Variants in GNA13 observed in about 807,000 individuals in gnomAD.
GNA13 encodes the protein guanine nucleotide-binding protein subunit alpha-13.
In GNA13, 4 loss-of-function variants were observed where a neutral mutation model predicts 33.5. That is an observed-to-expected ratio of 0.12 (90% CI 0.06 to 0.27). The LOEUF (loss-of-function observed/expected upper bound fraction) is 0.27, where lower values mean the gene tolerates loss of function less well. Among genes scored for constraint, GNA13 ranks in the 10% least tolerant of loss-of-function variants. The pLI is 1.00. For missense variants in GNA13, 319 were observed against 487.2 expected (o/e 0.65, Z 3.25); for synonymous variants, 176 against 183.8 (o/e 0.96, Z 0.34).
chr17:65,019,587 T>C lies in GNA13; in HGVS notation c.511-1284A>G, dbSNP rs1906510725. 1.3e-5 allele frequency among the ~76,000 whole-genome samples: 2 copies of C among 152,198 alleles called. 1 individual carries two copies. The highest frequency in any genetic ancestry group is 4.1e-4 in the South Asian group (2 of 4,830). ...CAGACACAAAAAGACAAACATTGCA[T>C]GCTATCACTTATTGGTAGGAGCTAA... On this transcript the variant is annotated intron_variant, in intron 2 of 3. Transcript: ENST00000439174.
At chr17:65,037,926 C>T (rs1907317281) in intron 2 of GNA13, among the ~76,000 whole-genome samples, 1 of 151,796 alleles carries the variant, frequency 6.6e-6, no homozygotes, top group African/African-American at 2.4e-5. Context: ...ATACAAACAC[C>T]TCCTCAATTT....
Position 65,053,498 on chromosome 17 carries a change from T to G in GNA13, c.510+4A>C. The G allele has an allele frequency of 6.5e-7, 1 of 1,548,212 alleles. No homozygotes were observed. The highest frequency in any genetic ancestry group is 8.9e-7 in the Non-Finnish European group (1 of 1,120,008). On this transcript the variant is annotated splice_donor_region_variant and intron_variant, in intron 2 of 3. Transcript: ENST00000439174. The stretch of plus-strand genomic sequence containing the variant: ...CACACGTTTTAAAAGAGCAAATCTC[T>G]TACCAGTTGAAATTCTCGACGCCGG...
intron 2 of GNA13, among the ~76,000 whole-genome samples, chr17:65,032,085 A>G (rs1017375650): frequency 6.6e-6 from 1 of 152,192 alleles, no homozygotes; most frequent in African/African-American, 2.4e-5. Context: ...CAGTAGGCTT[A>G]TAATGAAGTC....
At chr17:65,031,921 A>AGAGT (rs770161529) in intron 2 of GNA13, among the ~76,000 whole-genome samples, 2,898 of 88,184 alleles carry the variant, frequency 0.033, 37 homozygotes, top group Non-Finnish European at 0.049. Flanking sequence ...AGAGAGAGAG[A>AGAGT]GTGTGTGTGT....
intron 1 of GNA13, among the ~76,000 whole-genome samples, chr17:65,053,949 T>C (rs1049338418): frequency 6.6e-6 from 1 of 152,194 alleles, no homozygotes; most frequent in Admixed American, 6.5e-5. Flanking sequence ...CAAATACTAT[T>C]AGCACAATTC....
At chr17:65,035,661 C>T (rs1907218255) in intron 2 of GNA13, among the ~76,000 whole-genome samples, 1 of 152,164 alleles carries the variant, frequency 6.6e-6, no homozygotes, top group Non-Finnish European at 1.5e-5. Flanking sequence ...CTTAAGAATT[C>T]TGAGCCTTGA....
chr17:65,031,493 T>C (rs1469297422), intron 2 of GNA13, among the ~76,000 whole-genome samples: 1 of 152,178 alleles, frequency 6.6e-6, no homozygotes, highest in African/African-American at 2.4e-5. Context: ...GTTTGGAACA[T>C]TTCAAAGAGG....
chr17:65,056,252 C>CCCGCCG, intron 1 of GNA13, 59 bp downstream of exon 1: 3 of 1,072,610 alleles, frequency 2.8e-6, no homozygotes, highest in East Asian at 3.0e-5. Context: ...CCGCCCCGCA[C>CCCGCCG]CCGCCGCCGC....
chr17:65,038,962 A>G (rs1907361617), intron 2 of GNA13, among the ~76,000 whole-genome samples: 1 of 152,214 alleles, frequency 6.6e-6, no homozygotes, highest in Non-Finnish European at 1.5e-5. Flanking sequence ...TGTGTATTGC[A>G]TTTACACCAC....
At position 65,014,201 on chromosome 17, in the gene GNA13, C is replaced by T. The variant is rs1183982867; in HGVS notation, c.*56G>A. 2 of 1,053,838 alleles carry T rather than the reference C, an allele frequency of 1.9e-6. No individual in the cohort carries two copies. Among genetic ancestry groups the T allele is most frequent in the East Asian group, 4.8e-5 (2 of 41,920 alleles). 65.3% of individuals were successfully genotyped at this position (1,053,838 alleles called of 1,614,324 possible). On this transcript the variant is annotated 3_prime_UTR_variant, in exon 4 of 4. Transcript: ENST00000439174. The surrounding 1 kb of genome is among the most constrained non-coding windows in gnomAD (Gnocchi z 5.3). Reference sequence around the variant, plus strand: ...TAAACTGCTATTTTAAAAAACAAAACAAACAGAAAACATCAAAAACACAAA... The same window carrying T: ...TAAACTGCTATTTTAAAAAACAAAATAAACAGAAAACATCAAAAACACAAA...
Position 65,027,208 on chromosome 17 carries a change from T to C in GNA13, c.511-8905A>G, listed in dbSNP as rs573493259. Among the ~76,000 whole-genome samples the C allele has an allele frequency of 4.4e-4, 67 of 152,340 alleles. 1 individual carries two copies. Among genetic ancestry groups the C allele is most frequent in the African/African-American group, 1.3e-3 (55 of 41,574 alleles). The stretch of plus-strand genomic sequence containing the variant: ...TCTGATCTTAACACTAGCACTTTTG[T>C]GTCCTTTCTCTTGCCTCAGAAATCC... On this transcript the variant is annotated intron_variant, in intron 2 of 3. Transcript: ENST00000439174.
chr17:65,052,949 C>A (rs1907908353), intron 2 of GNA13: 1 of 152,786 alleles, frequency 6.5e-6, no homozygotes, highest in South Asian at 2.0e-4. Flanking sequence ...GTTGCTTGAA[C>A]CCTGGGGGCA....
chr17:65,047,152 C>A (rs1158364532), intron 2 of GNA13, among the ~76,000 whole-genome samples: 1 of 152,122 alleles, frequency 6.6e-6, no homozygotes. Flanking sequence ...TCTGGGTTTA[C>A]AAGATTTGGA....
At chr17:65,033,319 TA>T (rs113558956) in intron 2 of GNA13, among the ~76,000 whole-genome samples, 8,057 of 144,510 alleles carry the variant, frequency 0.056, 721 homozygotes, top group African/African-American at 0.19. Context: ...ACCCCATCTC[TA>T]AAAAAAAAAG....
intron 2 of GNA13, among the ~76,000 whole-genome samples, chr17:65,028,868 C>T (rs1906899870): frequency 6.6e-6 from 1 of 152,084 alleles, no homozygotes; most frequent in Non-Finnish European, 1.5e-5. Context: ...TACATGCAGT[C>T]TCTAGAATCT....
chr17:65,018,260 C>T lies in GNA13; in HGVS notation c.554G>A (p.Gly185Glu). 1 of 1,520,912 alleles carries T rather than the reference C, an allele frequency of 6.6e-7. No individual in the cohort carries two copies. Among genetic ancestry groups the T allele is most frequent in the Non-Finnish European group, 9.1e-7 (1 of 1,095,290 alleles). 94.2% of individuals were successfully genotyped at this position (1,520,912 alleles called of 1,614,324 possible). A position where few individuals can be genotyped will look rare whatever the true frequency, so the allele number is the denominator to read the frequency against. ...KYFLDNLDKL[G>E]EPDYIPSQQD... Reference sequence around the variant, plus strand: ...TTTGGTTTAAACACTTACTGGTTCTCCAAGTTTATCCAAGTTATCCAGGAA... The same window carrying T: ...TTTGGTTTAAACACTTACTGGTTCTTCAAGTTTATCCAAGTTATCCAGGAA... Residue 185 changes from glycine to glutamate, a missense_variant, in exon 3 of 4, where the codon GGA (glycine) becomes GAA (glutamate). Physicochemically the swap from Gly to Glu is moderately conservative, Grantham distance 98. Around this residue, in one of 4 missense-constraint regions of GNA13, gnomAD observed 136 missense variants for 159.3 expected, o/e 0.85. Coordinates refer to ENST00000439174, the MANE Select transcript of GNA13 (RefSeq NM_006572.6).
At chr17:65,047,704 C>T (rs1907717595) in intron 2 of GNA13, among the ~76,000 whole-genome samples, 1 of 151,132 alleles carries the variant, frequency 6.6e-6, no homozygotes, top group African/African-American at 2.4e-5. Flanking sequence ...CACTATGTTG[C>T]CCACATTGGA....
intron 2 of GNA13, among the ~76,000 whole-genome samples, chr17:65,018,694 C>A (rs1906472560): frequency 6.6e-6 from 1 of 152,130 alleles, no homozygotes; most frequent in Non-Finnish European, 1.5e-5. Context: ...CATTTTCTAG[C>A]TTAATAGTGA....
chr17:65,018,092 TAAAAAAAAA>T lies in GNA13; in HGVS notation c.561+152_561+160del, dbSNP rs767082596. On this transcript the variant is annotated intron_variant, in intron 3 of 3. Coordinates refer to ENST00000439174, the MANE Select transcript of GNA13 (RefSeq NM_006572.6). ...CAGAGAAGAATCAGAACGCCACCAC[TAAAAAAAAA>T]AAAAAAAAAAAAAAAAAAAAAAAAA... is the stretch of plus-strand genomic sequence containing the variant. Among the ~76,000 whole-genome samples, 43 of 21,496 alleles carry T rather than the reference TAAAAAAAAA, an allele frequency of 2.0e-3. 1 individual carries two copies. The highest frequency in any genetic ancestry group is 2.5e-3 in the Non-Finnish European group (26 of 10,326). 14.1% of individuals were successfully genotyped at this position (21,496 alleles called of 152,430 possible).
Sources: allele counts gnomAD v4.1 joint callset (sites outside exome capture counted in the v4.1 genomes callset), GRCh38; gene constraint gnomAD v4.1.1; regional missense constraint gnomAD v4.1.1; non-coding constraint Gnocchi (gnomAD v3.1); transcripts MANE v1.5; gene names NCBI Gene and HGNC (gene_info 2026-07-23, HGNC 2026-07-21).